Variants in ZNF385D observed in about 807,000 individuals in gnomAD.
The protein encoded by ZNF385D is zinc finger protein 385D.
A neutral mutation model predicts 35.8 loss-of-function variants in ZNF385D; 15 were observed. The observed-to-expected ratio is 0.42, with a 90% CI of 0.28 to 0.64. The LOEUF (loss-of-function observed/expected upper bound fraction) is 0.64, where lower values mean the gene tolerates loss of function less well. Ranked by LOEUF, ZNF385D falls within the 30% of genes least tolerant of loss-of-function variation. The pLI is 0.23. For synonymous variants in ZNF385D, 212 were observed against 186.8 expected (o/e 1.13, Z -1.10); for missense variants, 474 against 494.6 (o/e 0.96, Z 0.39).
chr3:21,812,702 T>A (rs965224702), intron 3 of ZNF385D, among the ~76,000 whole-genome samples: 4 of 152,160 alleles, frequency 2.6e-5, no homozygotes, highest in Non-Finnish European at 4.4e-5. Context: ...GCTGGGAAGC[T>A]CGAACTGCGT....
chr3:21,581,349 C>A (rs1022791844), intron 2 of ZNF385D, among the ~76,000 whole-genome samples: 1 of 152,150 alleles, frequency 6.6e-6, no homozygotes, highest in Non-Finnish European at 1.5e-5. Context: ...CCTCTAGTCT[C>A]TAGAGTCGGC....
At chr3:22,281,629 A>C (rs1701745468) in intron 2 of ZNF385D, among the ~76,000 whole-genome samples, 1 of 151,878 alleles carries the variant, frequency 6.6e-6, no homozygotes, top group Admixed American at 6.6e-5. Flanking sequence ...AGGCTGTTGG[A>C]TCAAGTTAGC....
intron 3 of ZNF385D, among the ~76,000 whole-genome samples, chr3:21,844,017 A>G (rs920271454): frequency 6.6e-6 from 1 of 151,986 alleles, no homozygotes; most frequent in Non-Finnish European, 1.5e-5. Context: ...CGTCACACAA[A>G]AAGTAGAAAG....
intron 1 of ZNF385D, among the ~76,000 whole-genome samples, chr3:21,674,476 A>G (rs1031553144): frequency 6.6e-6 from 1 of 152,136 alleles, no homozygotes; most frequent in Admixed American, 6.6e-5. Flanking sequence ...TCACATTTCA[A>G]CTAGCAATTT....
intron 3 of ZNF385D, among the ~76,000 whole-genome samples, chr3:21,816,715 C>A (rs536401389): frequency 2.6e-5 from 4 of 152,276 alleles, no homozygotes; most frequent in Non-Finnish European, 4.4e-5. Flanking sequence ...ACATTCCATG[C>A]TCATAGATAG....
At chr3:21,460,449 G>T (rs949691095) in intron 4 of ZNF385D, among the ~76,000 whole-genome samples, 5 of 152,126 alleles carry the variant, frequency 3.3e-5, no homozygotes, top group African/African-American at 1.2e-4. Context: ...ACTATATTCA[G>T]TATGAACCTT....
chr3:22,361,470 A>T (rs1177050201), intron 2 of ZNF385D, among the ~76,000 whole-genome samples: 1 of 152,084 alleles, frequency 6.6e-6, no homozygotes, highest in Non-Finnish European at 1.5e-5. Context: ...GCATTCGCAT[A>T]AAAGTAGGTT....
chr3:21,511,339 T>G (rs537226196), intron 3 of ZNF385D, among the ~76,000 whole-genome samples: 1 of 152,278 alleles, frequency 6.6e-6, no homozygotes, highest in East Asian at 1.9e-4. Flanking sequence ...TCATCTTTGT[T>G]CTGCCACAGA....
At chr3:22,017,593 T>A (rs977643184) in intron 3 of ZNF385D, among the ~76,000 whole-genome samples, 2 of 151,206 alleles carry the variant, frequency 1.3e-5, no homozygotes, top group South Asian at 4.1e-4. Flanking sequence ...TTCTCTTTTA[T>A]CAATTTTTAT....
chr3:22,221,711 C>T (rs1185247615), intron 2 of ZNF385D, among the ~76,000 whole-genome samples: 2 of 152,010 alleles, frequency 1.3e-5, no homozygotes, highest in South Asian at 2.1e-4. Flanking sequence ...TAATGGTTTG[C>T]AAAGCTGACA....
intron 4 of ZNF385D, 136 bp downstream of exon 4, chr3:21,510,725 T>C (rs112258869): frequency 2.6e-6 from 3 of 1,137,518 alleles, no homozygotes; most frequent in Non-Finnish European, 3.7e-6. Context: ...GAGGAAACAA[T>C]TACCATTATA....
intron 2 of ZNF385D, 125 bp from the exon 3 acceptor site, chr3:21,564,809 C>T: frequency 2.3e-6 from 1 of 430,508 alleles, no homozygotes. Context: ...TATAAAGAAC[C>T]TTTTTATTCT....
At chr3:22,087,393 T>G (rs1701103130) in intron 3 of ZNF385D, among the ~76,000 whole-genome samples, 1 of 152,270 alleles carries the variant, frequency 6.6e-6, no homozygotes, top group East Asian at 1.9e-4. Flanking sequence ...TAAAAACATA[T>G]ATGTTATGGA....
intron 2 of ZNF385D, among the ~76,000 whole-genome samples, chr3:22,191,711 A>C (rs1559441570): frequency 6.6e-6 from 1 of 152,174 alleles, no homozygotes; most frequent in Non-Finnish European, 1.5e-5. Flanking sequence ...TGTACTTGTA[A>C]AACAGTAATT....
intron 1 of ZNF385D, among the ~76,000 whole-genome samples, chr3:21,684,529 A>G (rs1439936443): frequency 6.6e-6 from 1 of 150,474 alleles, no homozygotes; most frequent in Non-Finnish European, 1.5e-5. Flanking sequence ...AAAAATCTTT[A>G]ATAAGCCCAA....
At chr3:21,856,476 T>C (rs144815063) in intron 3 of ZNF385D, among the ~76,000 whole-genome samples, 1 of 152,066 alleles carries the variant, frequency 6.6e-6, no homozygotes, top group Non-Finnish European at 1.5e-5. Context: ...AAAATTAACA[T>C]GTAAAATATG....
chr3:22,343,824 T>C (rs149213161), intron 2 of ZNF385D, among the ~76,000 whole-genome samples: 2 of 152,208 alleles, frequency 1.3e-5, no homozygotes, highest in Non-Finnish European at 2.9e-5. Flanking sequence ...GTGCCCCTTG[T>C]ACAGTCATTC....
At chr3:21,878,319 G>A (rs1267293165) in intron 3 of ZNF385D, among the ~76,000 whole-genome samples, 1 of 151,962 alleles carries the variant, frequency 6.6e-6, no homozygotes, top group East Asian at 1.9e-4. Context: ...ATGAGATATT[G>A]TCTCATGAAC....
chr3:21,678,500 C>T (rs923802891), intron 1 of ZNF385D, among the ~76,000 whole-genome samples: 1 of 152,030 alleles, frequency 6.6e-6, no homozygotes, highest in Admixed American at 6.6e-5. Context: ...TAAACCCAAA[C>T]GTTTTGTAGA....
Sources: gnomAD v4.1 joint callset for allele counts (sites outside exome capture counted in the v4.1 genomes callset) on GRCh38, gnomAD v4.1.1 for gene constraint, MANE v1.5 for transcripts, NCBI Gene and HGNC (gene_info 2026-07-23, HGNC 2026-07-21) for gene names.